ARID4A: variants seen among roughly 807,000 people sequenced by gnomAD.
ARID4A encodes AT-rich interaction domain 4A.
Under a neutral mutation model 148.6 loss-of-function variants are expected in ARID4A, and 39 were observed. The ratio of observed to expected loss-of-function variants is 0.26; its 90% CI spans 0.20 to 0.34. The LOEUF is 0.34. ARID4A is among the 10% of genes least tolerant of loss of function. The pLI is 1.00. For missense variants in ARID4A, 1,265 were observed against 1,449.1 expected (o/e 0.87, Z 2.06); for synonymous variants, 475 against 481.2 (o/e 0.99, Z 0.17).
At chr14:58,308,329 G>A (rs1048717396) in intron 5 of ARID4A, among the ~76,000 whole-genome samples, 8 of 152,202 alleles carry the variant, frequency 5.3e-5, no homozygotes, top group Admixed American at 2.0e-4. Context: ...GAGGATTTGA[G>A]GACCCCAAGC....
At position 58,351,206 on chromosome 14, in the gene ARID4A, A is replaced by C. The variant is rs768899728; in HGVS notation, c.1538A>C (p.Lys513Thr). The C allele has an allele frequency of 3.1e-6, 5 of 1,613,062 alleles. No homozygotes were observed. The highest frequency in any genetic ancestry group is 4.2e-6 in the Non-Finnish European group (5 of 1,179,882). Residue 513 changes from lysine (K) to threonine (T), a missense_variant, in exon 16 of 24, where the codon AAA becomes ACA. This residue lies in a region of ARID4A where 205 missense variants were observed against 196.9 expected (regional missense o/e 1.04). Transcript: ENST00000355431. ...GATGACTATGAAACTGCAGAGAAAA[A>C]AGAAAATGAGCTACTACTGGGGAGA... Reference protein sequence around the residue: ...VDDDYETAEKKENELLLGRKN... With the variant: ...VDDDYETAEKTENELLLGRKN...
At chr14:58,351,846 T>C (rs888047861) in intron 16 of ARID4A, among the ~76,000 whole-genome samples, 8 of 152,188 alleles carry the variant, frequency 5.3e-5, no homozygotes, top group Non-Finnish European at 1.0e-4. Flanking sequence ...ACCAATAAAT[T>C]TCAGATTTTT....
In ARID4A at chr14:58,373,470, T is replaced by C. The variant is rs2035688097; in HGVS notation, c.*1481T>C. 1.1e-5 allele frequency: 2 copies of C among 179,866 alleles called. No individual in the cohort carries two copies. The highest frequency in any genetic ancestry group is 1.8e-4 in the East Asian group (2 of 10,878). 11.1% of individuals were successfully genotyped at this position (179,866 alleles called of 1,614,324 possible). A position where few individuals can be genotyped will look rare whatever the true frequency, so the allele number is the denominator to read the frequency against. On this transcript the variant is annotated 3_prime_UTR_variant, in exon 24 of 24. Coordinates refer to ENST00000355431, the MANE Select transcript of ARID4A (RefSeq NM_002892.4). ...ATAATAACCTAGATGCTCTAGACTG[T>C]ATATCAGGATCTGATTTACAAGAAA... is the stretch of plus-strand genomic sequence containing the variant.
intron 7 of ARID4A, 27 bp from the exon 8 acceptor site, chr14:58,323,458 T>A: frequency 6.3e-7 from 1 of 1,594,486 alleles, no homozygotes. Flanking sequence ...TGTGTTAGGA[T>A]AATGATCAAG....
At chr14:58,314,128 C>A (rs1219911728) in intron 5 of ARID4A, among the ~76,000 whole-genome samples, 1 of 152,198 alleles carries the variant, frequency 6.6e-6, no homozygotes, top group Admixed American at 6.5e-5. Context: ...TATTCAAAAG[C>A]CATTTTTGGA....
chr14:58,302,096 G>T (rs887409303), intron 3 of ARID4A, among the ~76,000 whole-genome samples: 1 of 152,142 alleles, frequency 6.6e-6, no homozygotes, highest in African/African-American at 2.4e-5. Context: ...AGTGTCTCAT[G>T]CCTGTAATCC....
chr14:58,353,945 A>C (rs1443626030), intron 17 of ARID4A, 90 bp downstream of exon 17: 1 of 1,147,524 alleles, frequency 8.7e-7, no homozygotes, highest in African/African-American at 1.6e-5. Flanking sequence ...AAAGCAAATA[A>C]TGGTACATAT....
At chr14:58,300,234 A>T (rs1384271422) in intron 2 of ARID4A, among the ~76,000 whole-genome samples, 1 of 152,210 alleles carries the variant, frequency 6.6e-6, no homozygotes, top group African/African-American at 2.4e-5. Flanking sequence ...ATTTTCTAAA[A>T]GAAAGAATAC....
At chr14:58,307,535 A>T (rs1210895367) in intron 5 of ARID4A, among the ~76,000 whole-genome samples, 1 of 152,224 alleles carries the variant, frequency 6.6e-6, no homozygotes, top group African/African-American at 2.4e-5. Flanking sequence ...TTAAAAACTA[A>T]GTGGCCAGAT....
intron 8 of ARID4A, among the ~76,000 whole-genome samples, chr14:58,326,525 A>T (rs768178172): frequency 3.3e-5 from 5 of 152,242 alleles, no homozygotes; most frequent in Non-Finnish European, 5.9e-5. Flanking sequence ...TGGGGGAATA[A>T]TAGGAAATAT....
intron 11 of ARID4A, among the ~76,000 whole-genome samples, chr14:58,335,556 G>A (rs111890593): frequency 0.018 from 2,727 of 151,976 alleles, 28 homozygotes; most frequent in South Asian, 0.05. Flanking sequence ...CAGGTGATCC[G>A]CGCATCTCAG....
At position 58,364,738 on chromosome 14, in the gene ARID4A, A is replaced by G; in HGVS notation, c.2649A>G (p.Gln883=). The part of the protein sequence containing the change: ...NGMEMTNTVS[Q]ERTSDCIGSE... Reference sequence around the variant, plus strand: ...TGGAAATGACAAATACTGTATCTCAAGAAAGGACCAGTGATTGTATTGGAT... The same window carrying G: ...TGGAAATGACAAATACTGTATCTCAGGAAAGGACCAGTGATTGTATTGGAT... The change falls in exon 20 of 24, where the codon CAA becomes CAG. Residue 883 remains glutamine (Q), a synonymous_variant. Transcript: ENST00000355431. The G allele has an allele frequency of 1.2e-6, 2 of 1,613,960 alleles. No individual in the cohort carries two copies. The highest frequency in any genetic ancestry group is 1.7e-6 in the Non-Finnish European group (2 of 1,179,956).
intron 16 of ARID4A, chr14:58,353,347 T>C (rs1381312254): frequency 4.9e-6 from 1 of 205,020 alleles, no homozygotes; most frequent in Non-Finnish European, 9.7e-6. Flanking sequence ...CTAAAGAATT[T>C]TTTCAGAGCA....
chr14:58,373,568 T>A lies in ARID4A; in HGVS notation c.*1579T>A. On this transcript the variant is annotated 3_prime_UTR_variant, in exon 24 of 24. Transcript: ENST00000355431. The stretch of plus-strand genomic sequence containing the variant: ...GTTTCTTAATTTCATTTTACTACAT[T>A]GTGAACTTGTGATTCAGATTCCATT... 5.7e-6 allele frequency: 1 copy of A among 176,446 alleles called. No individual in the cohort carries two copies. Among genetic ancestry groups the A allele is most frequent in the East Asian group, 9.6e-5 (1 of 10,396 alleles). 10.9% of individuals were successfully genotyped at this position (176,446 alleles called of 1,614,324 possible). A position where few individuals can be genotyped will look rare whatever the true frequency, so the allele number is the denominator to read the frequency against.
chr14:58,333,627 A>T (rs1472662605), intron 11 of ARID4A, among the ~76,000 whole-genome samples: 1 of 152,122 alleles, frequency 6.6e-6, no homozygotes, highest in Non-Finnish European at 1.5e-5. Flanking sequence ...TGATACATTA[A>T]TGCCTAAGAT....
intron 15 of ARID4A, among the ~76,000 whole-genome samples, chr14:58,350,058 C>CT (rs1332101237): frequency 7.0e-6 from 1 of 143,506 alleles, no homozygotes; most frequent in Non-Finnish European, 1.5e-5. Flanking sequence ...GCTGAGATCA[C>CT]ACCACTGCTC....
chr14:58,343,995 T>C (rs2034236818), intron 11 of ARID4A, among the ~76,000 whole-genome samples: 1 of 152,190 alleles, frequency 6.6e-6, no homozygotes, highest in Non-Finnish European at 1.5e-5. Flanking sequence ...ATTATGTATC[T>C]AGTTTCCTTC....
chr14:58,365,131 T>C lies in ARID4A; in HGVS notation c.3042T>C (p.Asp1014=). ...CTTCACCACTTACTCTTAGTCAAGA[T>C]GAGTCTCGAAGCGTAAAAAGTGAGA... The part of the protein sequence containing the change: ...SVASPLTLSQ[D]ESRSVKSESD... Residue 1014 remains aspartate (D), a synonymous_variant, in exon 20 of 24, where the codon GAT becomes GAC. Coordinates refer to ENST00000355431, the MANE Select transcript of ARID4A (RefSeq NM_002892.4). 1 of 1,614,108 alleles carries C rather than the reference T, an allele frequency of 6.2e-7. No homozygotes were observed. Among genetic ancestry groups the C allele is most frequent in the East Asian group, 2.2e-5 (1 of 44,882 alleles).
At chr14:58,308,725 T>TAG (rs2031794895) in intron 5 of ARID4A, among the ~76,000 whole-genome samples, 1 of 152,262 alleles carries the variant, frequency 6.6e-6, no homozygotes, top group African/African-American at 2.4e-5. Context: ...ACCTACTACC[T>TAG]ACCTATTAGG....
Sources: allele counts gnomAD v4.1 joint callset (sites outside exome capture counted in the v4.1 genomes callset), GRCh38; gene constraint gnomAD v4.1.1; regional missense constraint gnomAD v4.1.1; transcripts MANE v1.5; gene names NCBI Gene and HGNC (gene_info 2026-07-23, HGNC 2026-07-21).